SLC28A1: variants seen among roughly 807,000 people sequenced by gnomAD.
SLC28A1 encodes the protein sodium/nucleoside cotransporter 1.
Under a neutral mutation model 74.8 loss-of-function variants are expected in SLC28A1, and 64 were observed. The ratio of observed to expected loss-of-function variants is 0.86; its 90% CI spans 0.70 to 1.05. SLC28A1 has a LOEUF of 1.05. SLC28A1 is among the 50% of genes least tolerant of loss of function. SLC28A1 has a pLI of 0.00. For missense variants in SLC28A1, 828 were observed against 822.8 expected (o/e 1.01, Z -0.08); for synonymous variants, 359 against 335.0 (o/e 1.07, Z -0.78).
intron 1 of SLC28A1, 55 bp from the exon 2 acceptor site, chr15:84,886,617 G>A (rs1964632023): frequency 3.0e-6 from 3 of 985,502 alleles, no homozygotes; most frequent in African/African-American, 3.5e-5. Flanking sequence ...CTGGGGAGGC[G>A]CTGGGCAGAA....
chr15:84,906,549 TTTCTTTCTTTCTTTCTCTTTCTTTCTTC>T (rs1567140165), intron 8 of SLC28A1, among the ~76,000 whole-genome samples: 2 of 84,154 alleles, frequency 2.4e-5, no homozygotes, highest in East Asian at 6.5e-4. Flanking sequence ...TCTTTCTTTC[TTTCTTTCTTTCTTTCTCTTTCTTTCTTC>T]CTTCCTTCCT....
At chr15:84,886,017 G>A (rs1038418508) in intron 1 of SLC28A1, 5 of 409,770 alleles carry the variant, frequency 1.2e-5, no homozygotes, top group African/African-American at 4.3e-5. Flanking sequence ...TGTCCTGAGC[G>A]CGTACCATTA....
chr15:84,946,782 T>TC (rs2079247891), downstream of SLC28A1, among the ~76,000 whole-genome samples: 1 of 151,882 alleles, frequency 6.6e-6, no homozygotes, highest in Non-Finnish European at 1.5e-5. Flanking sequence ...CCGATGTCCC[T>TC]CCCCTGCCTT....
At chr15:84,960,389 C>T in the SLC28A1 span, among the ~76,000 whole-genome samples, 1 of 151,874 alleles carries the variant, frequency 6.6e-6, no homozygotes, top group African/African-American at 2.4e-5. Flanking sequence ...TCCCAAGTAA[C>T]TTGGATTATG....
the SLC28A1 span, among the ~76,000 whole-genome samples, chr15:84,975,142 G>A: frequency 6.6e-6 from 1 of 152,196 alleles, no homozygotes; most frequent in Non-Finnish European, 1.5e-5. Context: ...GGTTCCATAT[G>A]AGGGCCAACA....
At chr15:84,933,046 A>G in intron 12 of SLC28A1, 99 bp from the exon 13 acceptor site, 1 of 1,168,082 alleles carries the variant, frequency 8.6e-7, no homozygotes, top group Non-Finnish European at 1.3e-6. Flanking sequence ...TATCAGTGGG[A>G]CAGACTACAC....
intron 12 of SLC28A1, among the ~76,000 whole-genome samples, chr15:84,930,992 C>T (rs951307597): frequency 3.9e-5 from 6 of 152,014 alleles, no homozygotes; most frequent in African/African-American, 7.2e-5. Flanking sequence ...AGACTGGTCT[C>T]GAACTCCTGA....
At chr15:84,912,839 C>CAG (rs1968540640) in intron 9 of SLC28A1, among the ~76,000 whole-genome samples, 1 of 128,878 alleles carries the variant, frequency 7.8e-6, no homozygotes, top group East Asian at 1.9e-4. Context: ...CACACACACA[C>CAG]ACACACACAG....
At chr15:84,924,434 T>A (rs1355345500) in intron 12 of SLC28A1, among the ~76,000 whole-genome samples, 1 of 152,114 alleles carries the variant, frequency 6.6e-6, no homozygotes, top group Non-Finnish European at 1.5e-5. Flanking sequence ...CAAACCCAGA[T>A]CTGTCTGACT....
intron 2 of SLC28A1, chr15:84,887,457 G>A: frequency 1.0e-6 from 1 of 979,262 alleles, no homozygotes; most frequent in Non-Finnish European, 1.2e-6. Flanking sequence ...GCTGAGGTGG[G>A]AGGACTGCTT....
At chr15:84,909,595 A>G (rs1461469125) in intron 9 of SLC28A1, among the ~76,000 whole-genome samples, 1 of 152,182 alleles carries the variant, frequency 6.6e-6, no homozygotes, top group Non-Finnish European at 1.5e-5. Flanking sequence ...TCATTGTTTA[A>G]GCACCGAAAT....
At chr15:84,890,917 G>A (rs993625204) in intron 5 of SLC28A1, among the ~76,000 whole-genome samples, 1 of 152,190 alleles carries the variant, frequency 6.6e-6, no homozygotes, top group East Asian at 1.9e-4. Flanking sequence ...ACACAGAGGA[G>A]TCACAGGAGC....
chr15:84,912,812 A>G (rs138644014), intron 9 of SLC28A1, among the ~76,000 whole-genome samples: 11,219 of 80,218 alleles, frequency 0.14, 513 homozygotes, highest in South Asian at 0.27. Context: ...GCGCGCACAC[A>G]CACACACACA....
chr15:84,957,567 G>A, the SLC28A1 span, among the ~76,000 whole-genome samples: 15 of 152,094 alleles, frequency 9.9e-5, no homozygotes, highest in African/African-American at 2.7e-4. Context: ...ATGCCTGGCC[G>A]ACAACACTAT....
intron 6 of SLC28A1, chr15:84,895,601 C>A (rs1965910856): frequency 6.7e-7 from 1 of 1,498,522 alleles, no homozygotes; most frequent in East Asian, 2.5e-5. Context: ...AACTGGATTC[C>A]TTGGAGCGCT....
At chr15:84,885,251 G>GC (rs1044843430) in intron 1 of SLC28A1, among the ~76,000 whole-genome samples, 4 of 149,894 alleles carry the variant, frequency 2.7e-5, no homozygotes, top group African/African-American at 9.8e-5. Context: ...GAGCCACCGT[G>GC]CCCCCCCTCT....
chr15:84,933,212 T>G lies in SLC28A1; in HGVS notation c.1151T>G (p.Leu384Arg). 1 of 1,613,834 alleles carries G rather than the reference T, an allele frequency of 6.2e-7. No individual in the cohort carries two copies. The highest frequency in any genetic ancestry group is 8.5e-7 in the Non-Finnish European group (1 of 1,179,880). ...CCTTGTGCCTTGGCCCTCTCCAAGCTGGTCTACCCGGAGGTGGAGGAGTCC... is the reference window on the plus strand; with the variant it reads ...CCTTGTGCCTTGGCCCTCTCCAAGCGGGTCTACCCGGAGGTGGAGGAGTCC... ...AAPCALALSK[L>R]VYPEVEESKF... Residue 384 changes from leucine to arginine, a missense_variant, in exon 13 of 19, where the codon CTG becomes CGG. Around this residue, in one of 3 missense-constraint regions of SLC28A1, gnomAD observed 767 missense variants for 753.5 expected, o/e 1.02. Transcript: ENST00000394573.
At chr15:84,956,492 T>C in the SLC28A1 span, among the ~76,000 whole-genome samples, 1 of 49,354 alleles carries the variant, frequency 2.0e-5, no homozygotes, top group African/African-American at 5.7e-5. Context: ...TCTTTCTTTG[T>C]TTCTCTTTCC....
chr15:84,949,123 G>GC (rs999113117), downstream of SLC28A1, among the ~76,000 whole-genome samples: 25 of 152,266 alleles, frequency 1.6e-4, no homozygotes, highest in Admixed American at 1.5e-3. Flanking sequence ...CCTTCTCTGA[G>GC]CCAGGCACCC....
Sources: gnomAD v4.1 joint callset for allele counts (sites outside exome capture counted in the v4.1 genomes callset) on GRCh38, gnomAD v4.1.1 for gene constraint, gnomAD v4.1.1 regional missense constraint, MANE v1.5 for transcripts, NCBI Gene and HGNC (gene_info 2026-07-23, HGNC 2026-07-21) for gene names.